SLC25A41: variants seen among roughly 807,000 people sequenced by gnomAD.
SLC25A41 encodes solute carrier family 25 member 41, also known as mitochondrial carrier protein SCaMC-3L.
SLC25A41 carries 35 observed loss-of-function variants against 34.7 expected under a neutral mutation model. That is an observed-to-expected ratio of 1.01 (90% CI 0.77 to 1.34). The LOEUF is 1.34. Among genes scored for constraint, SLC25A41 ranks in the 40% most tolerant of loss-of-function variants. The pLI is 0.00. For missense variants in SLC25A41, 492 were observed against 489.8 expected, an observed-to-expected ratio of 1.00 and a Z score of -0.04; for synonymous variants, 190 against 209.9, an observed-to-expected ratio of 0.91 and a Z score of 0.82.
chr19:6,429,835 G>GGAGAGGAGA lies in SLC25A41; in HGVS notation c.517-13_517-5dup, dbSNP rs776204443. On this transcript the variant is annotated splice_region_variant and splice_polypyrimidine_tract_variant and intron_variant, in intron 3 of 6. Transcript: ENST00000321510. ...TTCCACAGAAGTAATTCTTGCACTGGGAGAGGAGAGAGGAGGGTGAGAGAG... is the reference window on the plus strand; with the variant it reads ...TTCCACAGAAGTAATTCTTGCACTGGGAGAGGAGAGAGAGGAGAGAGGAGGGTGAGAGAG... 1 of 1,611,008 alleles carries GGAGAGGAGA rather than the reference G, an allele frequency of 6.2e-7. No homozygotes were observed.
In SLC25A41 at chr19:6,427,459, T is replaced by G. The variant is rs2092248827; in HGVS notation, c.667A>C (p.Lys223Gln). ...RLTLRRTGQYKGLLDCARQIL... is the reference protein window; with the variant it reads ...RLTLRRTGQYQGLLDCARQIL... ...TGCCTGGCGCAGTCCAGCAGCCCCT[T>G]GTACTGGCCCGTCCGACGCAAGGTC... Residue 223 changes from lysine (K) to glutamine (Q), a missense_variant, in exon 5 of 7, where the codon AAG becomes CAG. Coordinates refer to ENST00000321510, the MANE Select transcript of SLC25A41 (RefSeq NM_173637.4). This position sits in a 1 kb window ranked among gnomAD's most constrained non-coding sequence, Gnocchi z 4.9. 3 of 1,587,448 alleles carry G rather than the reference T, an allele frequency of 1.9e-6. No individual in the cohort carries two copies. The highest frequency in any genetic ancestry group is 2.6e-6 in the Non-Finnish European group (3 of 1,163,384).
At chr19:6,433,385 G>A in intron 1 of SLC25A41, 102 bp downstream of exon 1, 1 of 1,193,542 alleles carries the variant, frequency 8.4e-7, no homozygotes, top group Non-Finnish European at 1.2e-6. Flanking sequence ...GGAATTCTAG[G>A]TCCGCTAGCA....
chr19:6,436,144 G>T, upstream of SLC25A41: 1 of 212,070 alleles, frequency 4.7e-6, no homozygotes, highest in Non-Finnish European at 1.0e-5. Flanking sequence ...CCCGCCAAAG[G>T]TTGGCAGCTT....
At position 6,429,134 on chromosome 19, in the gene SLC25A41, A is replaced by ATATATAATATATATATTATATATATGT. The variant is rs1429575623; in HGVS notation, c.624+589_624+590insACATATATATAATATATATATTATATA. On this transcript the variant is annotated intron_variant, in intron 4 of 6. Transcript: ENST00000321510. ...AATATATATATTATATATATGTTATATATATATATAATATATATATTATAT... is the reference window on the plus strand; with the variant it reads ...AATATATATATTATATATATGTTATATATATAATATATATATTATATATATGTTATATATATAATATATATATTATAT... Among the ~76,000 whole-genome samples the ATATATAATATATATATTATATATATGT allele has an allele frequency of 2.7e-4, 15 of 54,628 alleles. 3 individuals are homozygous for ATATATAATATATATATTATATATATGT. Among genetic ancestry groups the ATATATAATATATATATTATATATATGT allele is most frequent in the Non-Finnish European group, 4.4e-4 (15 of 34,310 alleles). 35.8% of individuals were successfully genotyped at this position (54,628 alleles called of 152,430 possible).
chr19:6,432,146 T>C lies in SLC25A41; in HGVS notation c.266A>G (p.Lys89Arg), dbSNP rs770466198. 1 of 1,613,926 alleles carries C rather than the reference T, an allele frequency of 6.2e-7. No individual in the cohort carries two copies. The highest frequency in any genetic ancestry group is 1.1e-5 in the South Asian group (1 of 91,078). The change falls in exon 2 of 7, where the codon AAG (lysine) becomes AGG (arginine). Residue 89 changes from lysine to arginine, a missense_variant. Physicochemically the swap from Lys to Arg is conservative, Grantham distance 26 (BLOSUM62 2). Transcript: ENST00000321510. The stretch of plus-strand genomic sequence containing the variant: ...GAGTAGAAACTTCCACAAGGCCTCC[T>C]TGTTATCCACTTCCAGGACTTCCAC... ...VPVEVLEVDN[K>R]EALWKFLLSG...
In SLC25A41 at chr19:6,427,275, A is replaced by C. The variant is rs1361909861; in HGVS notation, c.793-25T>G. ...TCTGCAAGAGAAGGGGGCCAGGAGA[A>C]AGCTCACTAGGAGCCTGGGCTCCGG... On this transcript the variant is annotated intron_variant, in intron 5 of 6. Transcript: ENST00000321510. The surrounding 1 kb of genome is among the most constrained non-coding windows in gnomAD (Gnocchi z 4.9). 15 of 1,611,172 alleles carry C rather than the reference A, an allele frequency of 9.3e-6. No homozygotes were observed. In the Admixed American group the frequency reaches 2.5e-4, roughly 27 times the overall value.
chr19:6,429,135 T>C lies in SLC25A41; in HGVS notation c.624+589A>G, dbSNP rs866980801. Among the ~76,000 whole-genome samples, 68 of 23,862 alleles carry C rather than the reference T, an allele frequency of 2.8e-3. 3 individuals are homozygous for C. The highest frequency in any genetic ancestry group is 3.2e-3 in the Non-Finnish European group (44 of 13,636). 15.7% of individuals were successfully genotyped at this position (23,862 alleles called of 152,430 possible). A position where few individuals can be genotyped will look rare whatever the true frequency, so the allele number is the denominator to read the frequency against. On this transcript the variant is annotated intron_variant, in intron 4 of 6. Transcript: ENST00000321510. ...ATATATATATTATATATATGTTATA[T>C]ATATATATAATATATATATTATATA... is the stretch of plus-strand genomic sequence containing the variant.
chr19:6,427,025 T>G lies in SLC25A41; in HGVS notation c.940+78A>C. 6.7e-7 allele frequency: 1 copy of G among 1,493,050 alleles called. No homozygotes were observed. The highest frequency in any genetic ancestry group is 9.1e-7 in the Non-Finnish European group (1 of 1,104,136). The allele number at this position is 1,493,050 out of a possible 1,614,324, so 92.5% of individuals were successfully genotyped here. A position where few individuals can be genotyped will look rare whatever the true frequency, so the allele number is the denominator to read the frequency against. ...GACACGGAGGGTGCCGGACTCAGTT[T>G]TGGGGTATGAGAAAATTGAGACAGC... On this transcript the variant is annotated intron_variant, in intron 6 of 6. Coordinates refer to ENST00000321510, the MANE Select transcript of SLC25A41 (RefSeq NM_173637.4). The surrounding 1 kb of genome is among the most constrained non-coding windows in gnomAD (Gnocchi z 4.9).
rs2092257429 is a variant in SLC25A41, at chr19:6,429,022, T to TTTATATATATATTATATATATG, written c.624+701_624+702insCATATATATAATATATATATAA. 1.8e-4 allele frequency among the ~76,000 whole-genome samples: 5 copies of TTTATATATATATTATATATATG among 27,988 alleles called. 1 individual carries two copies. Among genetic ancestry groups the TTTATATATATATTATATATATG allele is most frequent in the South Asian group, 2.3e-3 (2 of 866 alleles). The allele number at this position is 27,988 out of a possible 152,430, so 18.4% of individuals were successfully genotyped here. On this transcript the variant is annotated intron_variant, in intron 4 of 6. Transcript: ENST00000321510. ...TGAGCCAAGGTGTCTGGCCTGAAAATTTATATATATATATATAATATATAT... is the reference window on the plus strand; with the variant it reads ...TGAGCCAAGGTGTCTGGCCTGAAAATTTATATATATATTATATATATGTTATATATATATATATAATATATAT...
At chr19:6,433,410 T>C in intron 1 of SLC25A41, 77 bp downstream of exon 1, 2 of 1,438,294 alleles carry the variant, frequency 1.4e-6, no homozygotes, top group Non-Finnish European at 1.9e-6. Context: ...AGTGGGCCTG[T>C]AGAGGGCGTG....
intron 4 of SLC25A41, among the ~76,000 whole-genome samples, chr19:6,429,033 ATATATAATATATATAT>A (rs1458724453): frequency 4.5e-5 from 2 of 44,006 alleles, no homozygotes; most frequent in African/African-American, 3.6e-4. Context: ...TTATATATAT[ATATATAATATATATAT>A]TATATATATG....
chr19:6,427,247 G>C lies in SLC25A41; in HGVS notation c.796C>G (p.Leu266Val), dbSNP rs2092246534. The C allele has an allele frequency of 1.2e-6, 2 of 1,612,584 alleles. No homozygotes were observed. Among genetic ancestry groups the C allele is most frequent in the Non-Finnish European group, 1.7e-6 (2 of 1,179,690 alleles). ...ACTDLAVYEM[L>V]QCFWVKSGRD... The stretch of plus-strand genomic sequence containing the variant: ...CCTGACTTCACCCAGAAGCACTGGA[G>C]CATCTGCAAGAGAAGGGGGCCAGGA... The change falls in exon 6 of 7, where the codon CTC becomes GTC. Residue 266 changes from leucine to valine, a missense_variant. By Grantham distance (32) the Leu-to-Val change is conservative. Transcript: ENST00000321510. This position sits in a 1 kb window ranked among gnomAD's most constrained non-coding sequence, Gnocchi z 4.9.
intron 2 of SLC25A41, 34 bp downstream of exon 2, chr19:6,432,015 G>C (rs749932777): frequency 1.3e-6 from 2 of 1,587,960 alleles, no homozygotes; most frequent in Middle Eastern, 1.7e-4. Flanking sequence ...TGGCTCCAGC[G>C]CTGGGTCCCG....
At chr19:6,428,068 A>G (rs896797441) in intron 4 of SLC25A41, among the ~76,000 whole-genome samples, 4 of 152,152 alleles carry the variant, frequency 2.6e-5, no homozygotes, top group African/African-American at 9.7e-5. Context: ...AGATACTACA[A>G]TGGTGGATAC....
rs1427706095 is a variant in SLC25A41 at position 6,429,107 on chromosome 19, ATAAT to A, written c.624+613_624+616del. Among the ~76,000 whole-genome samples the A allele has an allele frequency of 2.6e-4, 11 of 41,756 alleles. 1 individual carries two copies. Among genetic ancestry groups the A allele is most frequent in the African/African-American group, 1.1e-3 (11 of 10,312 alleles). The allele number at this position is 41,756 out of a possible 152,430, so 27.4% of individuals were successfully genotyped here. On this transcript the variant is annotated intron_variant, in intron 4 of 6. Transcript: ENST00000321510. ...TATTATATATATGTTACATATATAT[ATAAT>A]ATATATATTATATATATGTTATATA...
chr19:6,430,231 G>A lies in SLC25A41; in HGVS notation c.364-70C>T, dbSNP rs891667461. The stretch of plus-strand genomic sequence containing the variant: ...CTCCGTCCCCATCCCTGCCCCAAGC[G>A]CAGCCCCACCGGGACCTCCCAAGCC... On this transcript the variant is annotated intron_variant, in intron 2 of 6. Transcript: ENST00000321510. The A allele has an allele frequency of 6.8e-5, 102 of 1,490,228 alleles. No homozygotes were observed. In the African/African-American group the frequency reaches 1.1e-3, roughly 16 times the overall value. The allele number at this position is 1,490,228 out of a possible 1,614,324, so 92.3% of individuals were successfully genotyped here.
At chr19:6,429,133 T>TATATATG (rs1277343277) in intron 4 of SLC25A41, among the ~76,000 whole-genome samples, 238 of 8,782 alleles carry the variant, frequency 0.027, 60 homozygotes, top group South Asian at 0.043. Flanking sequence ...ATATATGTTA[T>TATATATG]ATATATATAT....
intron 4 of SLC25A41, among the ~76,000 whole-genome samples, chr19:6,429,154 T>TTATATATGTTATA: frequency 2.3e-5 from 1 of 44,342 alleles, no homozygotes; most frequent in African/African-American, 1.2e-4. Context: ...AATATATATA[T>TTATATATGTTATA]TATATATATA....
intron 1 of SLC25A41, among the ~76,000 whole-genome samples, chr19:6,432,470 CTAA>C (rs1253230606): frequency 2.0e-4 from 27 of 133,946 alleles, no homozygotes; most frequent in African/African-American, 7.8e-4. Flanking sequence ...ACCACAACAC[CTAA>C]TTTTTTTTTT....
Sources: gnomAD v4.1 joint callset for allele counts (sites outside exome capture counted in the v4.1 genomes callset) on GRCh38, gnomAD v4.1.1 for gene constraint, Gnocchi (gnomAD v3.1) non-coding constraint, MANE v1.5 for transcripts, NCBI Gene and HGNC (gene_info 2026-07-23, HGNC 2026-07-21) for gene names.